Variants in TTC3 observed in about 807,000 individuals in gnomAD.
TTC3 encodes the protein tetratricopeptide repeat domain 3, also known as E3 ubiquitin-protein ligase TTC3.
TTC3 carries 180 observed loss-of-function variants against 249.6 expected under a neutral mutation model. The observed-to-expected ratio is 0.72, with a 90% CI of 0.64 to 0.82. TTC3 has a LOEUF of 0.82. TTC3 is among the 40% of genes least tolerant of loss of function. TTC3 has a pLI of 0.00. For synonymous variants in TTC3, 717 were observed against 805.0 expected (o/e 0.89, Z 1.85); for missense variants, 2,061 against 2,398.4 (o/e 0.86, Z 2.94).
At chr21:37,127,632 C>T (rs2077138388) in intron 15 of TTC3, among the ~76,000 whole-genome samples, 1 of 152,108 alleles carries the variant, frequency 6.6e-6, no homozygotes, top group Non-Finnish European at 1.5e-5. Flanking sequence ...GGTGTTCCTC[C>T]CAGGATTCTT....
intron 13 of TTC3, among the ~76,000 whole-genome samples, chr21:37,123,535 A>C (rs2076795393): frequency 6.6e-6 from 1 of 152,250 alleles, no homozygotes. Context: ...AATAGCAGCC[A>C]GGGTTCTACC....
intron 1 of TTC3, among the ~76,000 whole-genome samples, chr21:37,077,323 CA>C (rs528378691): frequency 3.9e-4 from 53 of 137,020 alleles, no homozygotes; most frequent in Admixed American, 8.7e-4. Context: ...GGTTTGCGAG[CA>C]AAAAAAAAAG....
At position 37,126,039 on chromosome 21, in the gene TTC3, TTG is replaced by T. The variant is rs763300513; in HGVS notation, c.1234-39_1234-38del. ...AGCTATTGAATTCTTCATGGCTGGG[TTG>T]TTTTTTTTTTTTTTAAGTCTCACTA... On this transcript the variant is annotated intron_variant, in intron 14 of 45. Transcript: ENST00000355666. 453 of 1,539,446 alleles carry T rather than the reference TTG, an allele frequency of 2.9e-4. 1 individual carries two copies. The African/African-American group carries it at 5.6e-3, about 19-fold the overall frequency.
intron 1 of TTC3, chr21:37,085,748 G>A (rs17814445): frequency 0.038 from 5,860 of 152,352 alleles, 159 homozygotes; most frequent in Non-Finnish European, 0.06. Flanking sequence ...GGACCTCGAT[G>A]TGGCTGGGAT....
intron 20 of TTC3, among the ~76,000 whole-genome samples, chr21:37,142,292 G>A (rs368199842): frequency 6.6e-6 from 1 of 152,284 alleles, no homozygotes. Context: ...ATTCAATTAG[G>A]AAAAGAGGAA....
intron 10 of TTC3, among the ~76,000 whole-genome samples, chr21:37,100,238 A>G (rs150062466): frequency 2.8e-4 from 42 of 152,312 alleles, no homozygotes; most frequent in African/African-American, 1.0e-3. Context: ...CTAAGGTGGT[A>G]TGCCATTGGT....
chr21:37,184,944 T>A (rs528582990), intron 36 of TTC3, among the ~76,000 whole-genome samples: 1 of 152,308 alleles, frequency 6.6e-6, no homozygotes, highest in Non-Finnish European at 1.5e-5. Flanking sequence ...AAGAAATGAC[T>A]AGAACATAGA....
At chr21:37,108,700 C>T (rs924120409) in intron 11 of TTC3, among the ~76,000 whole-genome samples, 4 of 151,938 alleles carry the variant, frequency 2.6e-5, no homozygotes, top group African/African-American at 4.8e-5. Flanking sequence ...GTCATCTCTG[C>T]GTATTCTGGG....
At chr21:37,148,954 G>C (rs988691306) in intron 23 of TTC3, among the ~76,000 whole-genome samples, 1 of 151,970 alleles carries the variant, frequency 6.6e-6, no homozygotes, top group African/African-American at 2.4e-5. Flanking sequence ...CTCCCAAAGT[G>C]CTGGGATTAT....
intron 10 of TTC3, among the ~76,000 whole-genome samples, chr21:37,104,716 C>T (rs530019863): frequency 3.3e-5 from 5 of 151,992 alleles, no homozygotes; most frequent in Non-Finnish European, 7.3e-5. Flanking sequence ...TTTGGAATAG[C>T]CAGCCTCCAT....
intron 1 of TTC3, among the ~76,000 whole-genome samples, chr21:37,085,488 T>A (rs891020851): frequency 3.9e-5 from 6 of 152,150 alleles, no homozygotes; most frequent in African/African-American, 1.4e-4. Context: ...AATGGAGGAT[T>A]CAGATGGGTG....
chr21:37,168,967 TC>T (rs2081488294), intron 34 of TTC3, among the ~76,000 whole-genome samples: 1 of 152,160 alleles, frequency 6.6e-6, no homozygotes, highest in African/African-American at 2.4e-5. Flanking sequence ...AAGCTTCAGT[TC>T]CTTGCCTTGT....
intron 15 of TTC3, among the ~76,000 whole-genome samples, chr21:37,127,227 G>A (rs2077106063): frequency 6.6e-6 from 1 of 152,216 alleles, no homozygotes; most frequent in South Asian, 2.1e-4. Context: ...CCTCCCAAAG[G>A]TTCCACTTCC....
chr21:37,093,835 A>G (rs2073609427), intron 7 of TTC3, among the ~76,000 whole-genome samples, 170 bp from the exon 8 acceptor site: 1 of 152,176 alleles, frequency 6.6e-6, no homozygotes, highest in Non-Finnish European at 1.5e-5. Context: ...TTTTTTACTG[A>G]GTTATTTAAT....
In TTC3 at chr21:37,091,250, A is replaced by G. The variant is rs760945106; in HGVS notation, c.481-43A>G. ...TTATAATGCCACATGCAAATTTAGA[A>G]TTAATAACCAAAGCCCCATTCTTCA... On this transcript the variant is annotated intron_variant, in intron 6 of 45. Transcript: ENST00000355666. The G allele has an allele frequency of 3.2e-6, 5 of 1,585,236 alleles. No homozygotes were observed. The Admixed American group carries it at 5.4e-5, about 17-fold the overall frequency.
At chr21:37,194,702 C>G (rs1415052164) in intron 41 of TTC3, 3 of 152,114 alleles carry the variant, frequency 2.0e-5, no homozygotes, top group African/African-American at 7.2e-5. Flanking sequence ...AATTCATGTA[C>G]AGTATATGTA....
At chr21:37,147,207 G>A (rs1601779479) in intron 21 of TTC3, among the ~76,000 whole-genome samples, 2 of 152,084 alleles carry the variant, frequency 1.3e-5, no homozygotes, top group African/African-American at 2.4e-5. Flanking sequence ...TATAAAATGC[G>A]ATTTGATGAT....
chr21:37,142,861 G>A (rs2078618559), intron 20 of TTC3, among the ~76,000 whole-genome samples: 2 of 152,228 alleles, frequency 1.3e-5, no homozygotes, highest in South Asian at 4.1e-4. Flanking sequence ...CAAGGCTGCA[G>A]TAACCAAAAC....
chr21:37,181,707 C>G (rs1369981366), intron 35 of TTC3, among the ~76,000 whole-genome samples: 2 of 152,148 alleles, frequency 1.3e-5, no homozygotes, highest in African/African-American at 4.8e-5. Flanking sequence ...AGCAAATCTG[C>G]CTTTAAAAAA....
Sources: gnomAD v4.1 joint callset for allele counts (sites outside exome capture counted in the v4.1 genomes callset) on GRCh38, gnomAD v4.1.1 for gene constraint, MANE v1.5 for transcripts, NCBI Gene and HGNC (gene_info 2026-07-23, HGNC 2026-07-21) for gene names.